MYO1D: variants seen among roughly 807,000 people sequenced by gnomAD.
MYO1D encodes the protein myosin ID, also known as unconventional myosin-Id.
In MYO1D, 83 loss-of-function variants were observed where a neutral mutation model predicts 122.0. The ratio of observed to expected loss-of-function variants is 0.68; its 90% CI spans 0.57 to 0.82. The LOEUF (loss-of-function observed/expected upper bound fraction) is 0.82, where lower values mean the gene tolerates loss of function less well. Among genes scored for constraint, MYO1D ranks in the 40% least tolerant of loss-of-function variants. The pLI is 0.00. For synonymous variants in MYO1D, 464 were observed against 446.9 expected (o/e 1.04, Z -0.48); for missense variants, 1,157 against 1,269.5 (o/e 0.91, Z 1.35).
chr17:32,596,398 G>C (rs1287727726), intron 21 of MYO1D, among the ~76,000 whole-genome samples: 4 of 152,150 alleles, frequency 2.6e-5, no homozygotes, highest in Non-Finnish European at 5.9e-5. Context: ...TGGGACCTTT[G>C]GGAGGTGGCC....
intron 21 of MYO1D, among the ~76,000 whole-genome samples, chr17:32,549,422 C>T (rs225194): frequency 0.48 from 73,648 of 152,052 alleles, 18,124 homozygotes; most frequent in East Asian, 0.54. Context: ...CAAATATAAA[C>T]GTTAAAGATA....
intron 14 of MYO1D, among the ~76,000 whole-genome samples, chr17:32,721,710 A>G (rs1009758447): frequency 6.6e-6 from 1 of 152,228 alleles, no homozygotes; most frequent in African/African-American, 2.4e-5. Flanking sequence ...AAAAGAGATT[A>G]AACTTCACGG....
At chr17:32,741,891 T>C (rs1394163794) in intron 13 of MYO1D, among the ~76,000 whole-genome samples, 1 of 151,620 alleles carries the variant, frequency 6.6e-6, no homozygotes, top group African/African-American at 2.4e-5. Flanking sequence ...GGTGGGCGCC[T>C]GTAGTCCCAG....
chr17:32,711,026 G>A (rs993738592), intron 16 of MYO1D, among the ~76,000 whole-genome samples: 5 of 152,130 alleles, frequency 3.3e-5, no homozygotes, highest in Admixed American at 3.3e-4. Context: ...GTATACACAT[G>A]CCCTATGACC....
At chr17:32,662,727 T>TTTTCTTAGCTGTAAAA (rs2088584042) in intron 16 of MYO1D, among the ~76,000 whole-genome samples, 1 of 151,814 alleles carries the variant, frequency 6.6e-6, no homozygotes, top group Admixed American at 6.6e-5. Context: ...TGTGCCTTAG[T>TTTTCTTAGCTGTAAAA]TTTCTTAGCT....
At chr17:32,795,487 A>T (rs2090405559) in intron 1 of MYO1D, among the ~76,000 whole-genome samples, 1 of 152,160 alleles carries the variant, frequency 6.6e-6, no homozygotes, top group African/African-American at 2.4e-5. Flanking sequence ...GTATAATAGA[A>T]ACAAACACAA....
At chr17:32,853,594 T>A (rs967539784) in intron 1 of MYO1D, among the ~76,000 whole-genome samples, 1 of 152,182 alleles carries the variant, frequency 6.6e-6, no homozygotes, top group Non-Finnish European at 1.5e-5. Flanking sequence ...TCCATGTCTG[T>A]CTTTCCCTAT....
Position 32,755,782 on chromosome 17 carries a change from T to G in MYO1D, c.1297-120A>C, listed in dbSNP as rs1461711835. ...ACTACTTTGGTGTCAAATGTGTGAA[T>G]AACATTAAAGAGGTCTTACGCTAAA... On this transcript the variant is annotated intron_variant, in intron 10 of 21. Coordinates refer to ENST00000318217, the MANE Select transcript of MYO1D (RefSeq NM_015194.3). The G allele has an allele frequency of 6.3e-6, 5 of 791,586 alleles. No homozygotes were observed. In the East Asian group the frequency reaches 1.4e-4, roughly 22 times the overall value. The allele number at this position is 791,586 out of a possible 1,614,324, so 49.0% of individuals were successfully genotyped here. A position where few individuals can be genotyped will look rare whatever the true frequency, so the allele number is the denominator to read the frequency against.
chr17:32,592,830 T>C (rs901685550), intron 21 of MYO1D, among the ~76,000 whole-genome samples: 3 of 152,294 alleles, frequency 2.0e-5, no homozygotes, highest in African/African-American at 7.2e-5. Flanking sequence ...CAAATAAAAC[T>C]GTATATACTG....
At chr17:32,717,665 C>T (rs2089464400) in intron 15 of MYO1D, among the ~76,000 whole-genome samples, 1 of 152,194 alleles carries the variant, frequency 6.6e-6, no homozygotes, top group East Asian at 1.9e-4. Flanking sequence ...CCTTTCCTTA[C>T]ACTGTGAAGG....
chr17:32,841,962 G>C (rs2090887035), intron 1 of MYO1D, among the ~76,000 whole-genome samples: 1 of 152,162 alleles, frequency 6.6e-6, no homozygotes, highest in African/African-American at 2.4e-5. Context: ...AAGAGAGAGA[G>C]AGAGCAGTCT....
rs368584354 is a variant in MYO1D, at chr17:32,739,709, ACTG to A, written c.1614-1327_1614-1325del. On this transcript the variant is annotated intron_variant, in intron 13 of 21. Transcript: ENST00000318217. ...GCATTCATTGCTAATTGCTCTTACT[ACTG>A]CTAACATTTTACCCACTTTTTTTCC... Among the ~76,000 whole-genome samples, 253 of 152,340 alleles carry A rather than the reference ACTG, an allele frequency of 1.7e-3. 13 individuals are homozygous for A. The South Asian group carries it at 0.05, about 30-fold the overall frequency.
intron 16 of MYO1D, among the ~76,000 whole-genome samples, chr17:32,671,472 T>A (rs2088720309): frequency 6.6e-6 from 1 of 152,232 alleles, no homozygotes; most frequent in Non-Finnish European, 1.5e-5. Context: ...ATAAGAATTC[T>A]TTATATTATT....
chr17:32,662,197 G>A (rs751865155), intron 16 of MYO1D, among the ~76,000 whole-genome samples: 4 of 152,024 alleles, frequency 2.6e-5, no homozygotes, highest in Non-Finnish European at 4.4e-5. Context: ...CTCCCCCACC[G>A]CCCCACGCCC....
At chr17:32,869,174 G>A (rs1598169651) in intron 1 of MYO1D, among the ~76,000 whole-genome samples, 2 of 151,550 alleles carry the variant, frequency 1.3e-5, no homozygotes, top group South Asian at 2.1e-4. Context: ...AGCCAAGATC[G>A]CACTACCGCA....
intron 15 of MYO1D, among the ~76,000 whole-genome samples, chr17:32,716,399 CTGTGGCTAATA>C (rs2089446347): frequency 6.6e-6 from 1 of 152,130 alleles, no homozygotes; most frequent in East Asian, 1.9e-4. Context: ...CCTCCCTAGT[CTGTGGCTAATA>C]TGAAGGCAGG....
At chr17:32,806,392 G>T (rs765976142) in intron 1 of MYO1D, among the ~76,000 whole-genome samples, 1 of 152,092 alleles carries the variant, frequency 6.6e-6, no homozygotes, top group African/African-American at 2.4e-5. Context: ...TTGTAAATTA[G>T]AATGTTTAGC....
At chr17:32,829,316 G>A (rs1021110832) in intron 1 of MYO1D, among the ~76,000 whole-genome samples, 2 of 152,222 alleles carry the variant, frequency 1.3e-5, no homozygotes, top group Non-Finnish European at 2.9e-5. Flanking sequence ...TTTTCAAGTG[G>A]TGGATAAAAT....
intron 21 of MYO1D, among the ~76,000 whole-genome samples, chr17:32,590,755 T>C (rs2087431933): frequency 6.6e-6 from 1 of 152,238 alleles, no homozygotes; most frequent in African/African-American, 2.4e-5. Flanking sequence ...TAAAGAGTTA[T>C]ATCTGACATT....
Sources: gnomAD v4.1 joint callset for allele counts (sites outside exome capture counted in the v4.1 genomes callset) on GRCh38, gnomAD v4.1.1 for gene constraint, MANE v1.5 for transcripts, NCBI Gene and HGNC (gene_info 2026-07-23, HGNC 2026-07-21) for gene names.